Variants in XYLT1 observed in about 807,000 individuals in gnomAD.
The protein encoded by XYLT1 is xylosyltransferase 1.
A neutral mutation model predicts 91.3 loss-of-function variants in XYLT1; 36 were observed. That is an observed-to-expected ratio of 0.39 (90% CI 0.30 to 0.52). The LOEUF (loss-of-function observed/expected upper bound fraction) is 0.52, where lower values mean the gene tolerates loss of function less well. Ranked by LOEUF, XYLT1 falls within the 20% of genes least tolerant of loss-of-function variation. The pLI, the probability that XYLT1 is intolerant of heterozygous loss-of-function variation, is 0.68. For missense variants in XYLT1, 1,242 were observed against 1,284.5 expected (o/e 0.97, Z 0.51); for synonymous variants, 588 against 532.0 (o/e 1.11, Z -1.45).
intron 1 of XYLT1, among the ~76,000 whole-genome samples, chr16:17,405,800 G>A (rs1409111966): frequency 1.3e-5 from 2 of 152,218 alleles, no homozygotes; most frequent in Non-Finnish European, 2.9e-5. Flanking sequence ...AGAGTGAAAA[G>A]AAGGGCACAG....
chr16:17,190,781 A>G (rs140133195), intron 5 of XYLT1, among the ~76,000 whole-genome samples: 256 of 152,330 alleles, frequency 1.7e-3, no homozygotes, highest in African/African-American at 5.9e-3. Context: ...TTAAAGCAGC[A>G]TGATTTATAA....
rs143181152 is a variant in XYLT1, at chr16:17,461,340, A to G, written c.363+9094T>C. On this transcript the variant is annotated intron_variant, in intron 1 of 11. Coordinates refer to ENST00000261381, the MANE Select transcript of XYLT1 (RefSeq NM_022166.4). Reference sequence around the variant, plus strand: ...CCATGGGAAAGGGTATAGGCAATGAACCAGGCTAGGATGTGAGAGTGATCT... The same window carrying G: ...CCATGGGAAAGGGTATAGGCAATGAGCCAGGCTAGGATGTGAGAGTGATCT... Among the ~76,000 whole-genome samples the G allele has an allele frequency of 2.6e-3, 394 of 152,332 alleles. 2 individuals are homozygous for G. The highest frequency in any genetic ancestry group is 8.9e-3 in the African/African-American group (369 of 41,576).
intron 1 of XYLT1, among the ~76,000 whole-genome samples, chr16:17,369,278 T>C (rs2035496408): frequency 6.6e-6 from 1 of 152,060 alleles, no homozygotes; most frequent in African/African-American, 2.4e-5. Flanking sequence ...TACAGGCACA[T>C]GCTACTAAGC....
chr16:17,403,818 A>C (rs1596527901), intron 1 of XYLT1, among the ~76,000 whole-genome samples: 1 of 152,032 alleles, frequency 6.6e-6, no homozygotes, highest in Non-Finnish European at 1.5e-5. Flanking sequence ...GGAATACCTC[A>C]CCCTTGTCTC....
chr16:17,468,188 G>A (rs559844318), intron 1 of XYLT1, among the ~76,000 whole-genome samples: 1 of 152,246 alleles, frequency 6.6e-6, no homozygotes, highest in Non-Finnish European at 1.5e-5. Context: ...GTCAGAGTAG[G>A]ACAGACCCCG....
At chr16:17,302,232 A>C (rs11644845) in intron 2 of XYLT1, among the ~76,000 whole-genome samples, 50,987 of 149,246 alleles carry the variant, frequency 0.34, 9,249 homozygotes, top group African/African-American at 0.49. Context: ...ACTACTACTA[A>C]TAATAATAAT....
intron 10 of XYLT1, among the ~76,000 whole-genome samples, chr16:17,120,262 C>T (rs1249339122): frequency 6.6e-6 from 1 of 152,042 alleles, no homozygotes; most frequent in East Asian, 1.9e-4. Flanking sequence ...CTAAAGAAAC[C>T]CGATTTCTAT....
chr16:17,318,728 G>A (rs894053215), intron 2 of XYLT1, among the ~76,000 whole-genome samples: 7 of 151,834 alleles, frequency 4.6e-5, no homozygotes, highest in African/African-American at 1.7e-4. Context: ...AAACTATAGT[G>A]GGAAAAGCAA....
intron 2 of XYLT1, among the ~76,000 whole-genome samples, chr16:17,344,854 C>A (rs932194935): frequency 6.6e-6 from 1 of 151,976 alleles, no homozygotes; most frequent in Non-Finnish European, 1.5e-5. Context: ...GCATGCGCCA[C>A]CACGCTTGGC....
chr16:17,470,745 G>T lies in XYLT1; in HGVS notation c.52C>A (p.Leu18Met). ...AGCAGCACCGTGAGCGCCGCGAGCA[G>T]CGCCGAGTGCGAGCGCCGGGCCAGC... ...RRLARRSHSA[L>M]LAALTVLLLQ... The change falls in exon 1 of 12, where the codon CTG becomes ATG. Residue 18 changes from leucine to methionine, a missense_variant. Coordinates refer to ENST00000261381, the MANE Select transcript of XYLT1 (RefSeq NM_022166.4). 9.0e-7 allele frequency: 1 copy of T among 1,113,522 alleles called. No individual in the cohort carries two copies. The highest frequency in any genetic ancestry group is 2.1e-5 in the South Asian group (1 of 47,438). 69.0% of individuals were successfully genotyped at this position (1,113,522 alleles called of 1,614,324 possible).
At chr16:17,447,864 G>T (rs2036613094) in intron 1 of XYLT1, among the ~76,000 whole-genome samples, 1 of 152,128 alleles carries the variant, frequency 6.6e-6, no homozygotes, top group South Asian at 2.1e-4. Flanking sequence ...AAAAAATGAG[G>T]CATTTAAAAA....
At chr16:17,337,885 A>C (rs2141844288) in intron 2 of XYLT1, among the ~76,000 whole-genome samples, 1 of 145,284 alleles carries the variant, frequency 6.9e-6, no homozygotes, top group Non-Finnish European at 1.5e-5. Context: ...GGTTCAAGTG[A>C]TTCTTCTCAG....
Position 17,433,873 on chromosome 16 carries a change from G to C in XYLT1, c.363+36561C>G, listed in dbSNP as rs142755569. On this transcript the variant is annotated intron_variant, in intron 1 of 11. Transcript: ENST00000261381. Reference sequence around the variant, plus strand: ...AGAATACAGTAAAATCCTTAACTCTGTTCCCCCACCCCCGCTTTTTTTTCC... The same window carrying C: ...AGAATACAGTAAAATCCTTAACTCTCTTCCCCCACCCCCGCTTTTTTTTCC... Among the ~76,000 whole-genome samples, 1,208 of 152,216 alleles carry C rather than the reference G, an allele frequency of 7.9e-3. 8 individuals carry two copies. Among genetic ancestry groups the C allele is most frequent in the Middle Eastern group, 0.031 (9 of 294 alleles).
At chr16:17,384,859 T>A (rs574484967) in intron 1 of XYLT1, among the ~76,000 whole-genome samples, 1 of 152,024 alleles carries the variant, frequency 6.6e-6, no homozygotes, top group African/African-American at 2.4e-5. Flanking sequence ...TACAGATGAA[T>A]TAATCATTCC....
chr16:17,131,405 G>A (rs998723255), intron 9 of XYLT1, among the ~76,000 whole-genome samples: 4 of 152,266 alleles, frequency 2.6e-5, no homozygotes, highest in East Asian at 3.9e-4. Context: ...ATTTAAATAC[G>A]ATGAGCACTA....
chr16:17,322,510 C>G (rs2034739687), intron 2 of XYLT1, among the ~76,000 whole-genome samples: 1 of 152,142 alleles, frequency 6.6e-6, no homozygotes, highest in African/African-American at 2.4e-5. Context: ...GAATCTGGCT[C>G]ACTCCCACCA....
intron 2 of XYLT1, among the ~76,000 whole-genome samples, chr16:17,322,112 A>T (rs1441259725): frequency 1.3e-5 from 2 of 152,194 alleles, no homozygotes; most frequent in Non-Finnish European, 1.5e-5. Context: ...CTTAACTCAC[A>T]TGGCAACTCT....
chr16:17,413,792 C>T (rs991710704), intron 1 of XYLT1, among the ~76,000 whole-genome samples: 1 of 152,024 alleles, frequency 6.6e-6, no homozygotes, highest in African/African-American at 2.4e-5. Context: ...AGTTCTAGCC[C>T]GTTCTTAGAG....
chr16:17,136,085 TAGC>T (rs1209862782), intron 8 of XYLT1, among the ~76,000 whole-genome samples: 1 of 152,308 alleles, frequency 6.6e-6, no homozygotes, highest in South Asian at 2.1e-4. Flanking sequence ...GGTAGATTAA[TAGC>T]AGCAACAACT....
Sources: gnomAD v4.1 joint callset for allele counts (sites outside exome capture counted in the v4.1 genomes callset) on GRCh38, gnomAD v4.1.1 for gene constraint, MANE v1.5 for transcripts, NCBI Gene and HGNC (gene_info 2026-07-23, HGNC 2026-07-21) for gene names.